Variants in KIF25 observed in about 807,000 individuals in gnomAD.
KIF25 encodes kinesin-like protein KIF25.
A neutral mutation model predicts 32.9 loss-of-function variants in KIF25; 19 were observed. That is an observed-to-expected ratio of 0.58 (90% CI 0.40 to 0.85). KIF25 has a LOEUF of 0.85. Among genes scored for constraint, KIF25 ranks in the 40% least tolerant of loss-of-function variants. The probability of loss-of-function intolerance (pLI) is 0.00; values close to 1 mark genes in which losing one functional copy is unlikely to be tolerated. For synonymous variants in KIF25, 225 were observed against 213.7 expected, an observed-to-expected ratio of 1.05 and a Z score of -0.46; for missense variants, 485 against 507.0, an observed-to-expected ratio of 0.96 and a Z score of 0.42.
chr6:168,026,039 C>T (rs1798855876), intron 5 of KIF25, among the ~76,000 whole-genome samples: 1 of 152,148 alleles, frequency 6.6e-6, no homozygotes, highest in Admixed American at 6.5e-5. Context: ...CCAGGAGGAC[C>T]TGAAGAGGAA....
rs750056333 is a variant in KIF25 at position 168,030,725 on chromosome 6, C to A, written c.93-48C>A. On this transcript the variant is annotated intron_variant, in intron 6 of 12. Coordinates refer to ENST00000643607, the MANE Select transcript of KIF25 (RefSeq NM_030615.4). ...GGTTTCTGAGTCTGCATGCTAGAGC[C>A]GCTTTCTGCTGCTTCTATTAATACA... is the stretch of plus-strand genomic sequence containing the variant. 13 of 1,500,772 alleles carry A rather than the reference C, an allele frequency of 8.7e-6. No homozygotes were observed. In the East Asian group the frequency reaches 3.0e-4, roughly 35 times the overall value. 93.0% of individuals were successfully genotyped at this position (1,500,772 alleles called of 1,614,324 possible). A position where few individuals can be genotyped will look rare whatever the true frequency, so the allele number is the denominator to read the frequency against.
chr6:168,014,973 T>C (rs1798694566), intron 4 of KIF25, among the ~76,000 whole-genome samples: 1 of 152,248 alleles, frequency 6.6e-6, no homozygotes, highest in Non-Finnish European at 1.5e-5. Flanking sequence ...ATGACACTTA[T>C]TTAGTTACAT....
chr6:168,029,334 T>C (rs1798907267), intron 5 of KIF25, among the ~76,000 whole-genome samples, 158 bp from the exon 6 acceptor site: 1 of 152,250 alleles, frequency 6.6e-6, no homozygotes, highest in Non-Finnish European at 1.5e-5. Context: ...CCATGATGAA[T>C]TATTATTTCT....
At chr6:168,030,482 TCC>T (rs1303213555) in intron 6 of KIF25, 1 of 111,926 alleles carries the variant, frequency 8.9e-6, no homozygotes, top group Admixed American at 1.1e-4. Flanking sequence ...TCCTTTCCCC[TCC>T]CGCTCTTCCC....
At chr6:168,003,399 CAGGAAGAGG>C (rs1798532990) in intron 3 of KIF25, among the ~76,000 whole-genome samples, 2 of 152,046 alleles carry the variant, frequency 1.3e-5, no homozygotes, top group South Asian at 4.2e-4. Context: ...TCCATGCACA[CAGGAAGAGG>C]AGGAAGAGGA....
At chr6:168,014,995 A>G (rs1032214757) in intron 4 of KIF25, among the ~76,000 whole-genome samples, 1 of 152,246 alleles carries the variant, frequency 6.6e-6, no homozygotes, top group Admixed American at 6.5e-5. Context: ...CAGCCAATGT[A>G]AAGCATATTT....
intron 8 of KIF25, among the ~76,000 whole-genome samples, chr6:168,038,274 G>A (rs58068886): frequency 0.024 from 3,680 of 152,226 alleles, 155 homozygotes; most frequent in African/African-American, 0.085. Flanking sequence ...AGGCTTCTTC[G>A]CCCTGTGTGT....
Position 168,027,225 on chromosome 6 carries a change from G to A in KIF25, c.-94-2267G>A, listed in dbSNP as rs142451708. 9.0e-3 allele frequency among the ~76,000 whole-genome samples: 1,374 copies of A among 152,222 alleles called. 21 individuals carry two copies. Among genetic ancestry groups the A allele is most frequent in the African/African-American group, 0.03 (1,259 of 41,540 alleles). On this transcript the variant is annotated intron_variant, in intron 5 of 12. Transcript: ENST00000643607. ...CCTAGCACTTTGGGAGGCAGAGGCG[G>A]GCAGATTGCCTGAACTCAGGAGTTC... is the stretch of plus-strand genomic sequence containing the variant.
chr6:168,004,410 G>C (rs1300271936), intron 4 of KIF25, among the ~76,000 whole-genome samples: 1 of 152,160 alleles, frequency 6.6e-6, no homozygotes, highest in African/African-American at 2.4e-5. Context: ...ATAATAATGA[G>C]TTTTTAAAAA....
chr6:168,021,777 G>A (rs1480303741), intron 5 of KIF25, among the ~76,000 whole-genome samples: 1 of 152,226 alleles, frequency 6.6e-6, no homozygotes, highest in African/African-American at 2.4e-5. Flanking sequence ...ATCGAAGTCT[G>A]GTAGGGAAGG....
intron 6 of KIF25, among the ~76,000 whole-genome samples, chr6:168,030,328 G>A (rs1798922707): frequency 6.6e-6 from 1 of 152,156 alleles, no homozygotes; most frequent in Admixed American, 6.5e-5. Context: ...ATTGCTCAGA[G>A]TGGGATTTTT....
intron 2 of KIF25, among the ~76,000 whole-genome samples, chr6:168,000,585 C>A (rs1798486631): frequency 7.0e-6 from 1 of 143,086 alleles, no homozygotes; most frequent in Non-Finnish European, 1.5e-5. Context: ...CATTGCCGAC[C>A]ACATCTGACC....
Position 168,042,070 on chromosome 6 carries a change from G to T in KIF25, c.748G>T (p.Val250Phe). Residue 250 changes from valine (V) to phenylalanine (F), a missense_variant, in exon 11 of 13, where the codon GTT (valine) becomes TTT (phenylalanine). Physicochemically the swap from Val to Phe is conservative, Grantham distance 50 (BLOSUM62 -1). Around this residue, in one of 2 missense-constraint regions of KIF25, gnomAD observed 480 missense variants for 470.3 expected, o/e 1.02. Transcript: ENST00000643607. Reference protein sequence around the residue: ...ASQGALAPQLVPGNPAGHAEQ... With the variant: ...ASQGALAPQLFPGNPAGHAEQ... Reference sequence around the variant, plus strand: ...TCAAGGGGCCTTGGCTCCACAGCTGGTTCCTGGGAACCCCGCAGGGCATGC... The same window carrying T: ...TCAAGGGGCCTTGGCTCCACAGCTGTTTCCTGGGAACCCCGCAGGGCATGC... 2 of 1,551,418 alleles carry T rather than the reference G, an allele frequency of 1.3e-6. No individual in the cohort carries two copies. Among genetic ancestry groups the T allele is most frequent in the South Asian group, 2.4e-5 (2 of 84,050 alleles).
intron 11 of KIF25, 114 bp from the exon 12 acceptor site, chr6:168,042,447 G>A (rs541472964): frequency 3.2e-5 from 42 of 1,325,562 alleles, no homozygotes; most frequent in African/African-American, 1.8e-4. Context: ...TGCCTGTCCC[G>A]TCCATGGCCT....
rs576580790 is a variant in KIF25 at position 168,012,747 on chromosome 6, G to A, written c.-162-5226G>A. ...GTGTCTGCTGGGGCCAATTCAAGGG[G>A]CTGTTTCCCATGTCTGGGTCACAGC... On this transcript the variant is annotated intron_variant, in intron 4 of 12. Coordinates refer to ENST00000643607, the MANE Select transcript of KIF25 (RefSeq NM_030615.4). 6.6e-5 allele frequency among the ~76,000 whole-genome samples: 10 copies of A among 152,284 alleles called. No individual in the cohort carries two copies. The South Asian group carries it at 1.0e-3, about 16-fold the overall frequency.
At chr6:168,002,353 C>T (rs1027077781) in intron 2 of KIF25, among the ~76,000 whole-genome samples, 190 bp from the exon 3 acceptor site, 4 of 152,126 alleles carry the variant, frequency 2.6e-5, no homozygotes, top group Non-Finnish European at 4.4e-5. Flanking sequence ...ACACCTGAGG[C>T]GTGGCCTTGG....
At chr6:168,007,235 AC>A (rs1205299234) in intron 4 of KIF25, among the ~76,000 whole-genome samples, 2 of 152,130 alleles carry the variant, frequency 1.3e-5, no homozygotes, top group African/African-American at 4.8e-5. Flanking sequence ...ACATGGTGAA[AC>A]CCTGTCTCTA....
chr6:168,044,576 C>A (rs1364317157), intron 12 of KIF25, among the ~76,000 whole-genome samples: 2 of 147,582 alleles, frequency 1.4e-5, no homozygotes, highest in East Asian at 2.1e-4. Flanking sequence ...CGGCTGCTGA[C>A]CCTCCCGGAG....
chr6:168,041,091 G>A (rs117757021), intron 10 of KIF25, among the ~76,000 whole-genome samples: 1,634 of 152,304 alleles, frequency 0.011, 44 homozygotes, highest in East Asian at 0.075. Flanking sequence ...CACGGGTCTG[G>A]GGCCGGAACA....
Sources: allele counts gnomAD v4.1 joint callset (sites outside exome capture counted in the v4.1 genomes callset), GRCh38; gene constraint gnomAD v4.1.1; regional missense constraint gnomAD v4.1.1; transcripts MANE v1.5; gene names NCBI Gene and HGNC (gene_info 2026-07-23, HGNC 2026-07-21).